Variants in MDN1 observed in about 807,000 individuals in gnomAD.
MDN1 encodes midasin AAA ATPase 1, also known as midasin.
Under a neutral mutation model 669.2 loss-of-function variants are expected in MDN1, and 266 were observed. That is an observed-to-expected ratio of 0.40 (90% CI 0.36 to 0.44). The LOEUF is 0.44. MDN1 is among the 20% of genes least tolerant of loss of function. The probability of loss-of-function intolerance (pLI) is 1.00; values close to 1 mark genes in which losing one functional copy is unlikely to be tolerated. For missense variants in MDN1, 5,940 were observed against 6,754.0 expected, an observed-to-expected ratio of 0.88 and a Z score of 4.22; for synonymous variants, 2,385 against 2,457.1, an observed-to-expected ratio of 0.97 and a Z score of 0.87.
At chr6:89,771,839 T>C (rs1818095199) in intron 14 of MDN1, among the ~76,000 whole-genome samples, 1 of 152,094 alleles carries the variant, frequency 6.6e-6, no homozygotes. Context: ...CTCGAGCACC[T>C]GGGACTACAG....
intron 33 of MDN1, among the ~76,000 whole-genome samples, chr6:89,735,101 T>C (rs1335828266): frequency 6.6e-6 from 1 of 151,916 alleles, no homozygotes; most frequent in Non-Finnish European, 1.5e-5. Flanking sequence ...TGATGGCCAG[T>C]ATAGTCTCAA....
At chr6:89,669,745 C>T (rs985517756) in intron 83 of MDN1, among the ~76,000 whole-genome samples, 1 of 152,044 alleles carries the variant, frequency 6.6e-6, no homozygotes, top group African/African-American at 2.4e-5. Flanking sequence ...TTAAGAGAGA[C>T]CGAGAGCTGG....
intron 9 of MDN1, among the ~76,000 whole-genome samples, chr6:89,782,278 C>T (rs905437377): frequency 1.3e-5 from 2 of 152,120 alleles, no homozygotes; most frequent in Non-Finnish European, 2.9e-5. Context: ...CTGGTAAGGC[C>T]ATTATGTAAT....
chr6:89,712,369 GGA>G (rs1170940679), intron 48 of MDN1, 113 bp from the exon 49 acceptor site: 5 of 1,110,422 alleles, frequency 4.5e-6, no homozygotes, highest in Admixed American at 5.1e-5. Context: ...AGAGAGAAAA[GGA>G]GAGTCTCCCA....
chr6:89,769,466 T>A (rs1479041393), intron 15 of MDN1, among the ~76,000 whole-genome samples: 4 of 152,328 alleles, frequency 2.6e-5, no homozygotes, highest in African/African-American at 9.6e-5. Flanking sequence ...GAAGCAGGAC[T>A]ACTTGAGGCC....
chr6:89,760,886 C>A (rs968102204), intron 17 of MDN1, among the ~76,000 whole-genome samples: 1 of 152,138 alleles, frequency 6.6e-6, no homozygotes, highest in African/African-American at 2.4e-5. Flanking sequence ...CTTGGCCAGG[C>A]GCGGTGGCTC....
At chr6:89,653,758 AC>A (rs1167328397) in intron 93 of MDN1, among the ~76,000 whole-genome samples, 2 of 151,856 alleles carry the variant, frequency 1.3e-5, no homozygotes, top group East Asian at 3.9e-4. Context: ...TGAAAGGGAA[AC>A]TCCTCATTCT....
intron 39 of MDN1, 117 bp from the exon 40 acceptor site, chr6:89,723,260 G>A (rs1275438140): frequency 1.9e-6 from 2 of 1,036,888 alleles, no homozygotes; most frequent in African/African-American, 3.2e-5. Flanking sequence ...TAACAGGCTT[G>A]ATTCAGAGCC....
At chr6:89,807,017 T>C (rs1768067859) in intron 1 of MDN1, among the ~76,000 whole-genome samples, 1 of 152,172 alleles carries the variant, frequency 6.6e-6, no homozygotes, top group Non-Finnish European at 1.5e-5. Flanking sequence ...TGTGATCTTA[T>C]GAAATTCTTT....
chr6:89,814,866 G>A (rs894932810), intron 1 of MDN1: 26 of 494,256 alleles, frequency 5.3e-5, no homozygotes, highest in Non-Finnish European at 8.5e-5. Flanking sequence ...CTCAACCTCC[G>A]GACAGGTACC....
intron 26 of MDN1, among the ~76,000 whole-genome samples, chr6:89,748,135 G>A (rs1238164794): frequency 6.6e-6 from 1 of 152,078 alleles, no homozygotes; most frequent in South Asian, 2.1e-4. Flanking sequence ...GACCATCCTG[G>A]TCAATATGGT....
At chr6:89,809,119 A>G (rs1768202411) in intron 1 of MDN1, among the ~76,000 whole-genome samples, 1 of 147,068 alleles carries the variant, frequency 6.8e-6, no homozygotes, top group South Asian at 2.2e-4. Flanking sequence ...AGGGAGGCTG[A>G]GGCGGCAGAA....
Position 89,684,996 on chromosome 6 carries a change from T to C in MDN1, c.11720-11A>G, listed in dbSNP as rs1279437175. On this transcript the variant is annotated splice_polypyrimidine_tract_variant and intron_variant, in intron 70 of 101. Coordinates refer to ENST00000369393, the MANE Select transcript of MDN1 (RefSeq NM_014611.3). ...CACTGCAAAGTGAATCTGGAAGAAA[T>C]GAAAAGGAAACAAAAATACCACACT... is the stretch of plus-strand genomic sequence containing the variant. 3.8e-6 allele frequency: 6 copies of C among 1,583,746 alleles called. No homozygotes were observed. The highest frequency in any genetic ancestry group is 5.2e-6 in the Non-Finnish European group (6 of 1,155,308).
At chr6:89,669,683 T>C (rs1810498335) in intron 83 of MDN1, among the ~76,000 whole-genome samples, 1 of 152,062 alleles carries the variant, frequency 6.6e-6, no homozygotes, top group Non-Finnish European at 1.5e-5. Flanking sequence ...AAAATGCATA[T>C]TAGTATAGGC....
At position 89,804,798 on chromosome 6, in the gene MDN1, G is replaced by A. The variant is rs528446612; in HGVS notation, c.103-1244C>T. Reference sequence around the variant, plus strand: ...TGTAATCCCAGCACTTTGGGAGGCCGAGGCAGGCGGATCACGAGGTCAGGA... The same window carrying A: ...TGTAATCCCAGCACTTTGGGAGGCCAAGGCAGGCGGATCACGAGGTCAGGA... On this transcript the variant is annotated intron_variant, in intron 1 of 101. Transcript: ENST00000369393. Among the ~76,000 whole-genome samples, 22 of 152,192 alleles carry A rather than the reference G, an allele frequency of 1.4e-4. 1 individual carries two copies. In the South Asian group the frequency reaches 3.9e-3, roughly 27 times the overall value.
chr6:89,644,467 C>T (rs1324346988), intron 101 of MDN1, among the ~76,000 whole-genome samples: 1 of 152,148 alleles, frequency 6.6e-6, no homozygotes, highest in South Asian at 2.1e-4. Flanking sequence ...GGTGTCTCCC[C>T]ATCATCCACT....
chr6:89,798,387 A>G (rs1023071028), intron 2 of MDN1, among the ~76,000 whole-genome samples: 12 of 151,916 alleles, frequency 7.9e-5, no homozygotes, highest in African/African-American at 2.9e-4. Flanking sequence ...TGGTGATCCT[A>G]GCTACTCGGG....
intron 1 of MDN1, chr6:89,815,272 G>A: frequency 2.2e-6 from 1 of 449,844 alleles, no homozygotes; most frequent in Non-Finnish European, 4.3e-6. Context: ...GCATCTGATA[G>A]TGACCTAGCA....
chr6:89,708,471 G>C, intron 51 of MDN1, 25 bp downstream of exon 51: 1 of 1,612,898 alleles, frequency 6.2e-7, no homozygotes, highest in Non-Finnish European at 8.5e-7. Flanking sequence ...GGCAAACAGT[G>C]CCCAGAGCAG....
Sources: gnomAD v4.1 joint callset for allele counts (sites outside exome capture counted in the v4.1 genomes callset) on GRCh38, gnomAD v4.1.1 for gene constraint, MANE v1.5 for transcripts, NCBI Gene and HGNC (gene_info 2026-07-23, HGNC 2026-07-21) for gene names.